The following ZFPM2 variants were observed in gnomAD, a reference collection of about 807,000 sequenced individuals.
ZFPM2 encodes the protein zinc finger protein, FOG family member 2.
In ZFPM2, 20 loss-of-function variants were observed where a neutral mutation model predicts 98.6. That is an observed-to-expected ratio of 0.20 (90% CI 0.14 to 0.29). The LOEUF (loss-of-function observed/expected upper bound fraction) is 0.29, where lower values mean the gene tolerates loss of function less well. Among genes scored for constraint, ZFPM2 ranks in the 10% least tolerant of loss-of-function variants. The pLI, the probability that ZFPM2 is intolerant of heterozygous loss-of-function variation, is 1.00. For missense variants in ZFPM2, 1,310 were observed against 1,388.6 expected, an observed-to-expected ratio of 0.94 and a Z score of 0.90; for synonymous variants, 518 against 502.7, an observed-to-expected ratio of 1.03 and a Z score of -0.41.
chr8:105,754,214 A>C (rs1812544002), intron 5 of ZFPM2, among the ~76,000 whole-genome samples: 1 of 152,132 alleles, frequency 6.6e-6, no homozygotes, highest in East Asian at 1.9e-4. Context: ...GGCAAATTAC[A>C]GTTATACACG....
chr8:105,718,374 AC>A (rs1340589602), intron 5 of ZFPM2, among the ~76,000 whole-genome samples: 1 of 151,714 alleles, frequency 6.6e-6, no homozygotes, highest in South Asian at 2.1e-4. Flanking sequence ...GTCCTTCACC[AC>A]CCCCCAAAAA....
At chr8:105,569,203 T>C (rs1458245559) in intron 4 of ZFPM2, among the ~76,000 whole-genome samples, 1 of 152,170 alleles carries the variant, frequency 6.6e-6, no homozygotes, top group African/African-American at 2.4e-5. Flanking sequence ...GACCATATGC[T>C]TATTATCTAT....
At chr8:105,543,981 G>A (rs1169172912) in intron 3 of ZFPM2, among the ~76,000 whole-genome samples, 1 of 152,172 alleles carries the variant, frequency 6.6e-6, no homozygotes, top group East Asian at 1.9e-4. Context: ...GTAAATGGAA[G>A]ACATGAACAA....
At chr8:105,343,368 C>A (rs1812463524) in intron 1 of ZFPM2, among the ~76,000 whole-genome samples, 1 of 152,062 alleles carries the variant, frequency 6.6e-6, no homozygotes, top group Non-Finnish European at 1.5e-5. Flanking sequence ...CCTTAAAACT[C>A]AAGTATGTCT....
chr8:105,681,791 G>A (rs1810610075), intron 5 of ZFPM2, among the ~76,000 whole-genome samples: 1 of 151,948 alleles, frequency 6.6e-6, no homozygotes, highest in Non-Finnish European at 1.5e-5. Flanking sequence ...AAACCAGTTG[G>A]CATAACTGGA....
chr8:105,548,481 C>A (rs1167931215), intron 3 of ZFPM2, among the ~76,000 whole-genome samples: 1 of 151,864 alleles, frequency 6.6e-6, no homozygotes, highest in Non-Finnish European at 1.5e-5. Flanking sequence ...TTTTTTTTTA[C>A]AACAAATTCC....
At chr8:105,781,722 A>AAATAAAAT (rs1239407069) in intron 5 of ZFPM2, among the ~76,000 whole-genome samples, 38 of 152,266 alleles carry the variant, frequency 2.5e-4, no homozygotes, top group Non-Finnish European at 4.9e-4. Flanking sequence ...CCCTATCTTA[A>AAATAAAAT]AATAAAATAA....
At chr8:105,340,580 T>G (rs1012828750) in intron 1 of ZFPM2, among the ~76,000 whole-genome samples, 1 of 152,020 alleles carries the variant, frequency 6.6e-6, no homozygotes, top group Non-Finnish European at 1.5e-5. Context: ...TAATGTAGTT[T>G]TCTTTTTTTG....
At chr8:105,763,249 A>G (rs1812774688) in intron 5 of ZFPM2, among the ~76,000 whole-genome samples, 1 of 151,890 alleles carries the variant, frequency 6.6e-6, no homozygotes, top group Non-Finnish European at 1.5e-5. Context: ...ACAGAATATT[A>G]GCAAGTGCAT....
intron 5 of ZFPM2, among the ~76,000 whole-genome samples, chr8:105,666,980 C>G (rs1488560525): frequency 6.6e-6 from 1 of 152,096 alleles, no homozygotes; most frequent in African/African-American, 2.4e-5. Context: ...ATGGTCATCT[C>G]CAGAAAAAAC....
intron 5 of ZFPM2, among the ~76,000 whole-genome samples, chr8:105,697,115 A>G (rs1334083760): frequency 6.6e-6 from 1 of 152,206 alleles, no homozygotes; most frequent in African/African-American, 2.4e-5. Flanking sequence ...AGTCTATGAG[A>G]TAGAACCAAC....
chr8:105,321,107 T>C (rs1812015915), intron 1 of ZFPM2, among the ~76,000 whole-genome samples: 1 of 152,178 alleles, frequency 6.6e-6, no homozygotes, highest in South Asian at 2.1e-4. Flanking sequence ...ACTGGAGTAG[T>C]CCTCTTCTTT....
At position 105,788,985 on chromosome 8, in the gene ZFPM2, A is replaced by T. The variant is rs1164831794; in HGVS notation, c.739+61A>T. On this transcript the variant is annotated intron_variant, in intron 6 of 7. Coordinates refer to ENST00000407775, the MANE Select transcript of ZFPM2 (RefSeq NM_012082.4). ...GTGATGGGAATTTATGGGAGAAAAA[A>T]ATGTCTACTGACAAGAAACCAGGAA... The T allele has an allele frequency of 2.2e-6, 3 of 1,395,198 alleles. No individual in the cohort carries two copies. In the Admixed American group the frequency reaches 6.6e-5, roughly 31 times the overall value. 86.4% of individuals were successfully genotyped at this position (1,395,198 alleles called of 1,614,324 possible). A position where few individuals can be genotyped will look rare whatever the true frequency, so the allele number is the denominator to read the frequency against.
chr8:105,634,913 G>C (rs749209685), intron 5 of ZFPM2, among the ~76,000 whole-genome samples: 1 of 152,166 alleles, frequency 6.6e-6, no homozygotes, highest in Non-Finnish European at 1.5e-5. Context: ...CATTGCCTTT[G>C]ATTTGCTCAG....
chr8:105,427,946 A>G (rs555749694), intron 2 of ZFPM2, among the ~76,000 whole-genome samples: 3 of 152,298 alleles, frequency 2.0e-5, no homozygotes, highest in African/African-American at 7.2e-5. Flanking sequence ...CTGTGTATGT[A>G]TCATCTCTAA....
rs751291593 is a variant in ZFPM2, at chr8:105,801,838, A to G, written c.1756A>G (p.Ser586Gly). 2.1e-5 allele frequency: 34 copies of G among 1,613,994 alleles called. No homozygotes were observed. In the South Asian group the frequency reaches 3.4e-4, roughly 16 times the overall value. Residue 586 changes from serine to glycine, a missense_variant, in exon 8 of 8, where the codon AGT (serine) becomes GGT (glycine). Coordinates refer to ENST00000407775, the MANE Select transcript of ZFPM2 (RefSeq NM_012082.4). Reference sequence around the variant, plus strand: ...GATGGCTAAGTCCCCAGAGTTCCCTAGTGTGTCAGAAAAGATGCCTGAAGC... The same window carrying G: ...GATGGCTAAGTCCCCAGAGTTCCCTGGTGTGTCAGAAAAGATGCCTGAAGC... ...QQMAKSPEFP[S>G]VSEKMPEALS... is the part of the protein sequence containing the mutation.
At chr8:105,475,314 A>G (rs1442592794) in intron 3 of ZFPM2, among the ~76,000 whole-genome samples, 4 of 152,348 alleles carry the variant, frequency 2.6e-5, no homozygotes, top group South Asian at 4.1e-4. Context: ...TTGTTATGAC[A>G]TCTCAACCAA....
chr8:105,700,746 C>G (rs1437580346), intron 5 of ZFPM2, among the ~76,000 whole-genome samples: 1 of 152,070 alleles, frequency 6.6e-6, no homozygotes, highest in Non-Finnish European at 1.5e-5. Flanking sequence ...CAGCCGCGCA[C>G]CACCACGCCT....
chr8:105,609,871 G>A (rs571655796), intron 4 of ZFPM2, among the ~76,000 whole-genome samples: 2 of 152,184 alleles, frequency 1.3e-5, no homozygotes, highest in South Asian at 4.2e-4. Flanking sequence ...CTTTAATGTT[G>A]TCAAGGATTT....
Sources: allele counts gnomAD v4.1 joint callset (sites outside exome capture counted in the v4.1 genomes callset), GRCh38; gene constraint gnomAD v4.1.1; transcripts MANE v1.5; gene names NCBI Gene and HGNC (gene_info 2026-07-23, HGNC 2026-07-21).